Variants in CLDN14 observed in about 807,000 individuals in gnomAD.
CLDN14 encodes the protein claudin-14.
Under a neutral mutation model 2.1 loss-of-function variants are expected in CLDN14, and 2 were observed. The observed-to-expected ratio is 0.96, with a 90% CI of 0.39 to 3.01. The LOEUF (loss-of-function observed/expected upper bound fraction) is 3.01, where lower values mean the gene tolerates loss of function less well. CLDN14 is among the 30% of genes most tolerant of loss of function. The pLI is 0.09. For missense variants in CLDN14, 298 were observed against 328.0 expected (o/e 0.91, Z 0.71); for synonymous variants, 136 against 154.4 (o/e 0.88, Z 0.88).
At chr21:36,511,013 A>G (rs1320680081) in intron 1 of CLDN14, among the ~76,000 whole-genome samples, 1 of 152,192 alleles carries the variant, frequency 6.6e-6, no homozygotes, top group Non-Finnish European at 1.5e-5. Flanking sequence ...GTCCTCAATA[A>G]ATTAATGTGA....
At chr21:36,520,004 G>A (rs2087258333) in intron 1 of CLDN14, among the ~76,000 whole-genome samples, 1 of 152,160 alleles carries the variant, frequency 6.6e-6, no homozygotes, top group African/African-American at 2.4e-5. Context: ...CAATAGTAAT[G>A]TATTCTCTCA....
At chr21:36,543,548 A>G (rs1311135481) in intron 1 of CLDN14, among the ~76,000 whole-genome samples, 2 of 152,216 alleles carry the variant, frequency 1.3e-5, no homozygotes, top group Non-Finnish European at 2.9e-5. Flanking sequence ...AATACTTACC[A>G]AACACTTCTC....
chr21:36,525,502 T>C (rs1217897002), intron 1 of CLDN14, among the ~76,000 whole-genome samples: 3 of 151,712 alleles, frequency 2.0e-5, no homozygotes, highest in African/African-American at 7.3e-5. Flanking sequence ...GGTTGGAGGA[T>C]GGCAAGGAGC....
At chr21:36,534,048 C>T (rs1454241032) in intron 1 of CLDN14, among the ~76,000 whole-genome samples, 3 of 152,112 alleles carry the variant, frequency 2.0e-5, no homozygotes, top group Non-Finnish European at 4.4e-5. Flanking sequence ...AGGACTAGAA[C>T]TGAACACAGA....
Position 36,498,345 on chromosome 21 carries a change from A to G in CLDN14, c.-82+12018T>C, listed in dbSNP as rs2087058752. ...CCGGGACAATTGTGAGTGGAAAGAG[A>G]AGAAAAAAAGTAAAATAATAATACT... On this transcript the variant is annotated intron_variant, in intron 2 of 2. Coordinates refer to the CLDN14 transcript ENST00000342108. The surrounding 1 kb of genome is among the most constrained non-coding windows in gnomAD (Gnocchi z 4.9). Among the ~76,000 whole-genome samples the G allele has an allele frequency of 6.6e-6, 1 of 152,094 alleles. No homozygotes were observed. Among genetic ancestry groups the G allele is most frequent in the Non-Finnish European group, 1.5e-5 (1 of 68,018 alleles).
upstream of CLDN14, among the ~76,000 whole-genome samples, chr21:36,483,899 C>T (rs1389611357): frequency 6.6e-6 from 1 of 152,098 alleles, no homozygotes; most frequent in East Asian, 1.9e-4. Context: ...GAAAAGAAGC[C>T]AAGAACTAGG....
chr21:36,535,765 C>G (rs369779512), intron 1 of CLDN14, among the ~76,000 whole-genome samples: 3 of 152,042 alleles, frequency 2.0e-5, no homozygotes. Context: ...ATTTCTGTAA[C>G]GTCATGTATA....
At chr21:36,464,919 G>C (rs899481963) in intron 1 of CLDN14, among the ~76,000 whole-genome samples, 2 of 152,176 alleles carry the variant, frequency 1.3e-5, no homozygotes, top group Admixed American at 1.3e-4. Flanking sequence ...TTAGTGTAAG[G>C]GCTGAGGGAT....
At chr21:36,501,074 G>A (rs966990403) in intron 2 of CLDN14, among the ~76,000 whole-genome samples, 1 of 152,208 alleles carries the variant, frequency 6.6e-6, no homozygotes, top group Admixed American at 6.5e-5. Flanking sequence ...TGTGGTTGCT[G>A]TCTGCCTGGC....
At chr21:36,575,562 AC>A (rs776584087) in intron 1 of CLDN14, among the ~76,000 whole-genome samples, 6 of 152,128 alleles carry the variant, frequency 3.9e-5, no homozygotes, top group Non-Finnish European at 8.8e-5. Flanking sequence ...GCCAAAGGGA[AC>A]AAAAAAAACC....
chr21:36,513,210 G>C (rs2087199328), intron 1 of CLDN14, among the ~76,000 whole-genome samples: 1 of 152,222 alleles, frequency 6.6e-6, no homozygotes, highest in South Asian at 2.1e-4. Context: ...TGGAGGAACT[G>C]TCCAGGGGGC....
At chr21:36,563,632 C>T (rs182564873) in intron 1 of CLDN14, among the ~76,000 whole-genome samples, 4 of 152,176 alleles carry the variant, frequency 2.6e-5, no homozygotes, top group Non-Finnish European at 5.9e-5. Context: ...GAATTTTTCC[C>T]CTTGTTGATT....
rs919170854 is a variant in CLDN14, at chr21:36,499,023, T to C, written c.-82+11340A>G. Among the ~76,000 whole-genome samples the C allele has an allele frequency of 6.6e-6, 1 of 152,128 alleles. No individual in the cohort carries two copies. The highest frequency in any genetic ancestry group is 1.5e-5 in the Non-Finnish European group (1 of 68,020). ...ACCTTTATTTTCTAATTTGGCCAGT[T>C]TCAGGGCACATGACAATCACCGATA... On this transcript the variant is annotated intron_variant, in intron 2 of 2. Transcript: ENST00000342108. This position sits in a 1 kb window ranked among gnomAD's most constrained non-coding sequence, Gnocchi z 4.7.
At chr21:36,484,625 G>A (rs962112204), upstream of CLDN14, among the ~76,000 whole-genome samples, 4 of 152,224 alleles carry the variant, frequency 2.6e-5, no homozygotes, top group Middle Eastern at 3.4e-3. Flanking sequence ...TTCATGACAT[G>A]GTGGTCTTCC....
At chr21:36,472,577 C>T (rs765801008) in intron 1 of CLDN14, among the ~76,000 whole-genome samples, 3 of 152,142 alleles carry the variant, frequency 2.0e-5, no homozygotes, top group Non-Finnish European at 4.4e-5. Context: ...TGGGCCACAC[C>T]CAGTCAGGTG....
intron 2 of CLDN14, chr21:36,487,535 T>C (rs1568854542): frequency 6.6e-6 from 1 of 152,666 alleles, no homozygotes; most frequent in Non-Finnish European, 1.5e-5. Context: ...AATTTCCAAA[T>C]AGAGAATAGA....
intron 1 of CLDN14, among the ~76,000 whole-genome samples, chr21:36,519,441 G>T (rs2087251947): frequency 6.6e-6 from 1 of 152,194 alleles, no homozygotes; most frequent in Non-Finnish European, 1.5e-5. Flanking sequence ...GCCAGACGTG[G>T]TGGCTCTTGC....
chr21:36,554,211 G>T (rs1330182131), intron 1 of CLDN14, among the ~76,000 whole-genome samples: 1 of 152,128 alleles, frequency 6.6e-6, no homozygotes, highest in Admixed American at 6.5e-5. Context: ...CCTTTCATGA[G>T]ACAGCATCCC....
chr21:36,571,304 A>T (rs1601641201), intron 1 of CLDN14, among the ~76,000 whole-genome samples: 1 of 152,250 alleles, frequency 6.6e-6, no homozygotes, highest in African/African-American at 2.4e-5. Flanking sequence ...ACCCTGCTGC[A>T]GTGCATTAAT....
Sources: allele counts gnomAD v4.1 joint callset (sites outside exome capture counted in the v4.1 genomes callset), GRCh38; gene constraint gnomAD v4.1.1; non-coding constraint Gnocchi (gnomAD v3.1); transcripts MANE v1.5; gene names NCBI Gene and HGNC (gene_info 2026-07-23, HGNC 2026-07-21).